Variants in MED6 observed in about 807,000 individuals in gnomAD.
MED6 encodes mediator of RNA polymerase II transcription subunit 6.
A neutral mutation model predicts 37.5 loss-of-function variants in MED6; 33 were observed. The observed-to-expected ratio is 0.88, with a 90% CI of 0.67 to 1.18. The LOEUF is 1.18. MED6 is among the 50% of genes most tolerant of loss of function. The probability of loss-of-function intolerance (pLI) is 0.00; values close to 1 mark genes in which losing one functional copy is unlikely to be tolerated. For missense variants in MED6, 235 were observed against 290.6 expected, an observed-to-expected ratio of 0.81 and a Z score of 1.39; for synonymous variants, 94 against 93.6, an observed-to-expected ratio of 1.00 and a Z score of -0.02.
chr14:70,592,695 T>A (rs962682797), intron 5 of MED6, 185 bp downstream of exon 5: 1 of 500,926 alleles, frequency 2.0e-6, no homozygotes, highest in Non-Finnish European at 3.5e-6. Context: ...TGAACTTGCA[T>A]CTGTTCCTAT....
At chr14:70,596,454 T>A in intron 3 of MED6, 157 bp downstream of exon 3, 1 of 554,570 alleles carries the variant, frequency 1.8e-6, no homozygotes, top group African/African-American at 1.9e-5. Context: ...TACAACCATA[T>A]GCTAAGTCTG....
At chr14:70,591,542 A>C (rs1176501776) in intron 5 of MED6, 161 bp from the exon 6 acceptor site, 3 of 563,430 alleles carry the variant, frequency 5.3e-6, no homozygotes, top group Non-Finnish European at 9.2e-6. Context: ...GCACATATAC[A>C]GAAGTGTTGT....
rs1483168677 is a variant in MED6 at position 70,583,444 on chromosome 14, CA to C, written c.*1368del. ...TTCTGGAAAACCTGATACATACTTT[CA>C]AACTTCGCTGTTTGAGTGATCACTA... On this transcript the variant is annotated 3_prime_UTR_variant, in exon 8 of 8. Transcript: ENST00000256379. The C allele has an allele frequency of 6.6e-6, 1 of 152,184 alleles. No homozygotes were observed. Among genetic ancestry groups the C allele is most frequent in the Non-Finnish European group, 1.5e-5 (1 of 68,038 alleles). The allele number at this position is 152,184 out of a possible 1,614,324, so 9.4% of individuals were successfully genotyped here.
In MED6 at chr14:70,593,929, G is replaced by A. The variant is rs185548182; in HGVS notation, c.275-551C>T. ...GATAGCTGCTAGTGAGGCTACTGCC[G>A]TCTTGTGTAATTTTTACACCTTGAA... is the stretch of plus-strand genomic sequence containing the variant. On this transcript the variant is annotated intron_variant, in intron 3 of 7. Coordinates refer to ENST00000256379, the MANE Select transcript of MED6 (RefSeq NM_005466.4). Among the ~76,000 whole-genome samples, 7 of 152,276 alleles carry A rather than the reference G, an allele frequency of 4.6e-5. No individual in the cohort carries two copies. The East Asian group carries it at 5.8e-4, about 13-fold the overall frequency.
At position 70,592,861 on chromosome 14, in the gene MED6, G is replaced by T; in HGVS notation, c.466+19C>A. 6.2e-7 allele frequency: 1 copy of T among 1,612,782 alleles called. No homozygotes were observed. Among genetic ancestry groups the T allele is most frequent in the South Asian group, 1.1e-5 (1 of 91,004 alleles). On this transcript the variant is annotated intron_variant, in intron 5 of 7. Transcript: ENST00000256379. ...GAGGATCAAAAAGTGTTTTAGGAGG[G>T]TATGGATGTTCTACTTACCTTGCTC... is the stretch of plus-strand genomic sequence containing the variant.
Position 70,584,468 on chromosome 14 carries a change from C to T in MED6, c.*345G>A, listed in dbSNP as rs1188600125. 1.6e-5 allele frequency: 5 copies of T among 309,594 alleles called. No individual in the cohort carries two copies. Among genetic ancestry groups the T allele is most frequent in the Non-Finnish European group, 2.4e-5 (4 of 168,968 alleles). The allele number at this position is 309,594 out of a possible 1,614,324, so 19.2% of individuals were successfully genotyped here. On this transcript the variant is annotated 3_prime_UTR_variant, in exon 8 of 8. Coordinates refer to ENST00000256379, the MANE Select transcript of MED6 (RefSeq NM_005466.4). ...TCAGCTCAGGGCAACCTCCACCTCC[C>T]GGGTTCAAGCAAGTCTCCTGTCTCA... is the stretch of plus-strand genomic sequence containing the variant.
At position 70,596,593 on chromosome 14, in the gene MED6, A is replaced by G. The variant is rs1377205611; in HGVS notation, c.274+18T>C. On this transcript the variant is annotated intron_variant, in intron 3 of 7. Transcript: ENST00000256379. ...GTATTTTAAAAAGAAAACAATGCCT[A>G]AAGTTTACACATTTTACCTTGGGCA... 1.3e-6 allele frequency: 2 copies of G among 1,580,116 alleles called. No individual in the cohort carries two copies. The highest frequency in any genetic ancestry group is 1.4e-5 in the African/African-American group (1 of 73,862).
chr14:70,600,620 G>T lies in MED6; in HGVS notation c.18C>A (p.Ile6=), dbSNP rs750357419. MAAVD[I]RDNLLGISWV... ...AAATATAGCAATACAGTATACCTCG[G>T]ATATCCACCGCCGCCATAATTCCGA... is the stretch of plus-strand genomic sequence containing the variant. The change falls in exon 1 of 8, where the codon ATC becomes ATA. Residue 6 remains isoleucine, a synonymous_variant. Coordinates refer to ENST00000256379, the MANE Select transcript of MED6 (RefSeq NM_005466.4). The T allele has an allele frequency of 1.2e-6, 2 of 1,612,962 alleles. No homozygotes were observed. Among genetic ancestry groups the T allele is most frequent in the East Asian group, 2.2e-5 (1 of 44,874 alleles).
At chr14:70,594,662 C>T (rs1717560972) in intron 3 of MED6, 2 of 451,560 alleles carry the variant, frequency 4.4e-6, no homozygotes, top group Non-Finnish European at 8.5e-6. Flanking sequence ...TCTATACAGG[C>T]ACCGGAGGCT....
chr14:70,597,756 C>T lies in MED6; in HGVS notation c.44G>A (p.Trp15Ter). 1 of 1,549,040 alleles carries T rather than the reference C, an allele frequency of 6.5e-7. No homozygotes were observed. Among genetic ancestry groups the T allele is most frequent in the Non-Finnish European group, 8.6e-7 (1 of 1,160,286 alleles). The change falls in exon 2 of 8, where the codon TGG becomes TAG. Residue 15 changes from tryptophan (W) to a stop codon, truncating the protein, a stop_gained. Coordinates refer to ENST00000256379, the MANE Select transcript of MED6 (RefSeq NM_005466.4). LOFTEE classifies it high-confidence loss of function. ...AATAGGGATCCAAGAGCTGTCAACC[C>T]AAGAAATTCCCAGCAGATTGTCTAT... The part of the protein sequence containing the change: ...DIRDNLLGIS[W>*]VDSSWIPILN...
At chr14:70,587,025 AGGTTGTGAAATTTT>A (rs1271650370) in intron 6 of MED6, among the ~76,000 whole-genome samples, 12 of 152,130 alleles carry the variant, frequency 7.9e-5, no homozygotes, top group African/African-American at 2.9e-4. Flanking sequence ...CTTTCTTCAG[AGGTTGTGAAATTTT>A]GGTATGTGCT....
At chr14:70,585,434 C>T (rs1884675300) in intron 7 of MED6, among the ~76,000 whole-genome samples, 1 of 152,166 alleles carries the variant, frequency 6.6e-6, no homozygotes, top group Admixed American at 6.5e-5. Flanking sequence ...GAGTAAAAAA[C>T]TACAATGGGA....
intron 6 of MED6, 22 bp from the exon 7 acceptor site, chr14:70,585,805 G>A (rs1273263311): frequency 6.2e-7 from 1 of 1,601,470 alleles, no homozygotes; most frequent in South Asian, 1.1e-5. Context: ...TAGAAAAAAG[G>A]GAGGGAGAGG....
At chr14:70,592,726 A>T in intron 5 of MED6, 154 bp downstream of exon 5, 2 of 692,112 alleles carry the variant, frequency 2.9e-6, no homozygotes, top group Non-Finnish European at 4.7e-6. Context: ...TTATTACCAC[A>T]TCTAGTTACA....
intron 6 of MED6, among the ~76,000 whole-genome samples, chr14:70,588,158 T>A (rs1403436500): frequency 6.6e-6 from 1 of 152,092 alleles, no homozygotes; most frequent in Non-Finnish European, 1.5e-5. Context: ...GCTGGAAAAA[T>A]TTTTGTTAGG....
intron 5 of MED6, chr14:70,591,603 A>C: frequency 2.4e-6 from 1 of 417,792 alleles, no homozygotes; most frequent in Non-Finnish European, 4.2e-6. Flanking sequence ...GCTGATACAT[A>C]TGTCTTTTAA....
chr14:70,591,539 T>C (rs139847647), intron 5 of MED6, 158 bp from the exon 6 acceptor site: 48 of 570,864 alleles, frequency 8.4e-5, no homozygotes, highest in African/African-American at 8.0e-4. Flanking sequence ...ACAGCACATA[T>C]ACAGAAGTGT....
rs914556571 is a variant in MED6 at position 70,583,324 on chromosome 14, A to G, written c.*1489T>C. ...AAATTAGACATTTCATAAAAGCAGA[A>G]AAAGATGAGAAATTCTTCAACTACT... On this transcript the variant is annotated 3_prime_UTR_variant, in exon 8 of 8. Transcript: ENST00000256379. The G allele has an allele frequency of 6.6e-6, 1 of 152,240 alleles. No individual in the cohort carries two copies. Among genetic ancestry groups the G allele is most frequent in the African/African-American group, 2.4e-5 (1 of 41,460 alleles). The allele number at this position is 152,240 out of a possible 1,614,324, so 9.4% of individuals were successfully genotyped here.
At chr14:70,589,063 G>A (rs138019599) in intron 6 of MED6, among the ~76,000 whole-genome samples, 128 of 152,202 alleles carry the variant, frequency 8.4e-4, no homozygotes, top group Non-Finnish European at 1.4e-3. Flanking sequence ...GCAAACTACC[G>A]AATGTTCTTT....
Sources: allele counts gnomAD v4.1 joint callset (sites outside exome capture counted in the v4.1 genomes callset), GRCh38; gene constraint gnomAD v4.1.1; transcripts MANE v1.5; gene names NCBI Gene and HGNC (gene_info 2026-07-23, HGNC 2026-07-21).